Variants in ABCC9 observed in about 807,000 individuals in gnomAD.
The protein encoded by ABCC9 is ATP binding cassette subfamily C member 9.
ABCC9 carries 95 observed loss-of-function variants against 188.3 expected under a neutral mutation model. The observed-to-expected ratio is 0.50, with a 90% CI of 0.43 to 0.60. The LOEUF (loss-of-function observed/expected upper bound fraction) is 0.60, where lower values mean the gene tolerates loss of function less well. ABCC9 is among the 20% of genes least tolerant of loss of function. The probability of loss-of-function intolerance (pLI) is 0.00; values close to 1 mark genes in which losing one functional copy is unlikely to be tolerated. For missense variants in ABCC9, 1,102 were observed against 1,876.3 expected (o/e 0.59, Z 7.62); for synonymous variants, 659 against 652.7 (o/e 1.01, Z -0.15).
At chr12:21,910,799 C>CA (rs1223340461) in intron 9 of ABCC9, 27 bp downstream of exon 9, 5 of 1,591,622 alleles carry the variant, frequency 3.1e-6, no homozygotes, top group East Asian at 4.5e-5. Context: ...TCTTAGGAAA[C>CA]AAATAGTATT....
intron 30 of ABCC9, 43 bp from the exon 31 acceptor site, chr12:21,829,103 G>T: frequency 7.2e-7 from 1 of 1,390,952 alleles, no homozygotes; most frequent in Non-Finnish European, 1.0e-6. Flanking sequence ...CAACAGGAGA[G>T]GTAATAAGAA....
chr12:21,910,385 A>G (rs1948260309), intron 9 of ABCC9, 73 bp from the exon 10 acceptor site: 1 of 1,408,364 alleles, frequency 7.1e-7, no homozygotes, highest in Admixed American at 2.2e-5. Flanking sequence ...TTCACTGAAA[A>G]TAAATAACAA....
chr12:21,826,760 T>C (rs1943404689), intron 31 of ABCC9, among the ~76,000 whole-genome samples: 1 of 152,198 alleles, frequency 6.6e-6, no homozygotes, highest in Non-Finnish European at 1.5e-5. Flanking sequence ...ACAAAGGACC[T>C]TGAACCTTGA....
Position 21,933,938 on chromosome 12 carries a change from A to C in ABCC9, c.143-15T>G. 2 of 1,613,402 alleles carry C rather than the reference A, an allele frequency of 1.2e-6. No homozygotes were observed. The highest frequency in any genetic ancestry group is 1.7e-6 in the Non-Finnish European group (2 of 1,179,466). ...GCTCCCCCACCCTGGAAAAGAGAGA[A>C]AAGTTAAAAACAAAAAGACATAAAC... is the stretch of plus-strand genomic sequence containing the variant. On this transcript the variant is annotated splice_polypyrimidine_tract_variant and intron_variant, in intron 3 of 39. Transcript: ENST00000261200.
At chr12:21,923,216 A>T (rs1245306708) in intron 5 of ABCC9, 2 of 151,694 alleles carry the variant, frequency 1.3e-5, no homozygotes, top group Admixed American at 6.6e-5. Context: ...AGAGGGAAAC[A>T]TATTTAGAGG....
chr12:21,915,980 C>T, intron 6 of ABCC9, 70 bp from the exon 7 acceptor site: 1 of 1,494,044 alleles, frequency 6.7e-7, no homozygotes, highest in Non-Finnish European at 9.1e-7. Flanking sequence ...AATAAAATTT[C>T]AACCTTTTCT....
rs149709305 is a variant in ABCC9 at position 21,832,288 on chromosome 12, G to A, written c.3567-3228C>T. Among the ~76,000 whole-genome samples the A allele has an allele frequency of 2.4e-3, 367 of 152,300 alleles. 1 individual carries two copies. The highest frequency in any genetic ancestry group is 8.3e-3 in the African/African-American group (347 of 41,560). ...TGTGAGTACACCACGAACCCTCAAT[G>A]CGGGGGAGGAAAAGCAGCCTCATCA... On this transcript the variant is annotated intron_variant, in intron 30 of 39. Coordinates refer to ENST00000261200, the MANE Select transcript of ABCC9 (RefSeq NM_020297.4).
chr12:21,910,442 C>A, intron 9 of ABCC9, 130 bp from the exon 10 acceptor site: 4 of 938,464 alleles, frequency 4.3e-6, no homozygotes, highest in Non-Finnish European at 4.7e-6. Flanking sequence ...TCTATAGGAT[C>A]ATCTTCTTAA....
At chr12:21,860,092 A>T (rs1430500111) in intron 21 of ABCC9, among the ~76,000 whole-genome samples, 1 of 24,112 alleles carries the variant, frequency 4.1e-5, no homozygotes, top group Non-Finnish European at 7.4e-5. Context: ...CTTACACTTT[A>T]AAAAAAAAAC....
intron 30 of ABCC9, among the ~76,000 whole-genome samples, 170 bp from the exon 31 acceptor site, chr12:21,829,230 C>T (rs1390806803): frequency 9.6e-6 from 1 of 104,676 alleles, no homozygotes; most frequent in Non-Finnish European, 1.7e-5. Flanking sequence ...CAGATGGAGT[C>T]TCGCTCTGTT....
intron 26 of ABCC9, 113 bp from the exon 27 acceptor site, chr12:21,845,028 C>T: frequency 4.4e-6 from 6 of 1,351,312 alleles, no homozygotes; most frequent in Non-Finnish European, 6.2e-6. Context: ...ATTTTGCATG[C>T]ATTTAGACGG....
chr12:21,900,131 C>G (rs1947654043), intron 12 of ABCC9, among the ~76,000 whole-genome samples: 1 of 152,226 alleles, frequency 6.6e-6, no homozygotes, highest in African/African-American at 2.4e-5. Flanking sequence ...ACCGATCAGG[C>G]AGCAACATTT....
At position 21,910,295 on chromosome 12, in the gene ABCC9, T is replaced by A; in HGVS notation, c.1182A>T (p.Lys394Asn). ...RGALLAMIYN[K>N]ILRLSTSNLS... is the part of the protein sequence containing the mutation. ...AGTTAGACGTAGAGAGCCTAAGGAT[T>A]TTATTATAAATCATGGCCTACCAAA... is the stretch of plus-strand genomic sequence containing the variant. Residue 394 changes from lysine to asparagine, a missense_variant, in exon 10 of 40, where the codon AAA becomes AAT. Around this residue, in one of 12 missense-constraint regions of ABCC9, gnomAD observed 305 missense variants for 573.0 expected, o/e 0.53. Transcript: ENST00000261200. 6.2e-7 allele frequency: 1 copy of A among 1,600,870 alleles called. No individual in the cohort carries two copies. The highest frequency in any genetic ancestry group is 8.5e-7 in the Non-Finnish European group (1 of 1,175,602).
At chr12:21,881,497 A>T (rs1191989263) in intron 16 of ABCC9, among the ~76,000 whole-genome samples, 1 of 152,168 alleles carries the variant, frequency 6.6e-6, no homozygotes, top group African/African-American at 2.4e-5. Flanking sequence ...AATGAAACAC[A>T]TGGAAAAGAC....
chr12:21,872,904 A>T (rs1946150384), intron 17 of ABCC9, among the ~76,000 whole-genome samples, 174 bp from the exon 18 acceptor site: 1 of 150,848 alleles, frequency 6.6e-6, no homozygotes, highest in Admixed American at 6.6e-5. Flanking sequence ...GAAAAGGAAA[A>T]ATATATATAT....
intron 4 of ABCC9, 83 bp from the exon 5 acceptor site, chr12:21,926,146 C>CT (rs1949036761): frequency 6.4e-7 from 1 of 1,567,914 alleles, no homozygotes; most frequent in Admixed American, 1.7e-5. Context: ...CATAAGAACT[C>CT]TATCTTAGCA....
intron 35 of ABCC9, 27 bp downstream of exon 35, chr12:21,814,617 A>G: frequency 1.3e-6 from 2 of 1,593,476 alleles, no homozygotes; most frequent in East Asian, 4.5e-5. Context: ...CCAAGTGGCC[A>G]CTTAAAAAAT....
intron 16 of ABCC9, 85 bp from the exon 17 acceptor site, chr12:21,875,811 G>T: frequency 8.9e-7 from 1 of 1,127,742 alleles, no homozygotes; most frequent in Non-Finnish European, 1.3e-6. Flanking sequence ...TAGGCCAGGC[G>T]CAGTGGCTCA....
chr12:21,933,910 T>C lies in ABCC9; in HGVS notation c.156A>G (p.Gln52=). 6.2e-7 allele frequency: 1 copy of C among 1,613,592 alleles called. No individual in the cohort carries two copies. Among genetic ancestry groups the C allele is most frequent in the Non-Finnish European group, 8.5e-7 (1 of 1,179,632 alleles). Residue 52 remains glutamine (Q), a synonymous_variant, in exon 4 of 40, where the codon CAA becomes CAG. Transcript: ENST00000261200. The part of the protein sequence containing the change: ...FPILFIGWGS[Q]SSKVQIHHNT... The stretch of plus-strand genomic sequence containing the variant: ...TGTGGTGAATTTGTACTTTTGAGCT[T>C]TGGCTCCCCCACCCTGGAAAAGAGA...
Sources: gnomAD v4.1 joint callset for allele counts (sites outside exome capture counted in the v4.1 genomes callset) on GRCh38, gnomAD v4.1.1 for gene constraint, gnomAD v4.1.1 regional missense constraint, MANE v1.5 for transcripts, NCBI Gene and HGNC (gene_info 2026-07-23, HGNC 2026-07-21) for gene names.